The following MACF1 variants were observed in gnomAD, a reference collection of about 807,000 sequenced individuals.
MACF1 encodes microtubule actin crosslinking factor 1.
MACF1 carries 193 observed loss-of-function variants against 854.8 expected under a neutral mutation model. That is an observed-to-expected ratio of 0.23 (90% confidence interval 0.20 to 0.25). The LOEUF (loss-of-function observed/expected upper bound fraction) is 0.25. Ranked by LOEUF, MACF1 falls within the 10% of genes least tolerant of loss-of-function variation. MACF1 has a pLI of 1.00. For missense variants in MACF1, 7,722 were observed against 8,929.1 expected (o/e 0.86, Z 5.45); for synonymous variants, 3,185 against 3,226.7 (o/e 0.99, Z 0.44).
chr1:39,264,662 C>CTT (rs35145613), intron 6 of MACF1, among the ~76,000 whole-genome samples: 27 of 81,622 alleles, frequency 3.3e-4, no homozygotes, highest in African/African-American at 1.2e-3. Flanking sequence ...GATAGGATTT[C>CTT]TTTTTTTTTT....
At chr1:39,167,829 G>A (rs1202703458) in intron 2 of MACF1, among the ~76,000 whole-genome samples, 3 of 150,360 alleles carry the variant, frequency 2.0e-5, no homozygotes, top group African/African-American at 2.5e-5. Context: ...AGCTGAGATT[G>A]CGTTACTGCA....
Position 39,432,609 on chromosome 1 carries a change from T to A in MACF1, c.17412T>A (p.Ile5804=). ...GGAAACTGATGGCTCTGGGTCCAAT[T>A]CGCCTGGAACAGGACCAGACCACAG... ...TKRKLMALGP[I]RLEQDQTTAQ... The change falls in exon 67 of 101, where the codon ATT becomes ATA. Residue 5804 remains isoleucine (I), a synonymous_variant. Coordinates refer to ENST00000564288, the MANE Select transcript of MACF1 (RefSeq NM_001394062.1). 1 of 1,614,098 alleles carries A rather than the reference T, an allele frequency of 6.2e-7. No homozygotes were observed. The highest frequency in any genetic ancestry group is 1.1e-5 in the South Asian group (1 of 91,086).
At chr1:39,350,367 A>G (rs1647152604) in intron 42 of MACF1, among the ~76,000 whole-genome samples, 2 of 152,184 alleles carry the variant, frequency 1.3e-5, no homozygotes, top group Non-Finnish European at 2.9e-5. Flanking sequence ...AATTAGGGAA[A>G]GTTGAAGTTG....
At chr1:39,240,021 G>A (rs1174721657) in intron 2 of MACF1, among the ~76,000 whole-genome samples, 1 of 152,154 alleles carries the variant, frequency 6.6e-6, no homozygotes. Context: ...CCGAGTGCTA[G>A]GATTACAGGC....
chr1:39,429,084 A>G (rs927190673), intron 63 of MACF1, among the ~76,000 whole-genome samples, 158 bp from the exon 64 acceptor site: 7 of 152,198 alleles, frequency 4.6e-5, no homozygotes, highest in African/African-American at 7.2e-5. Context: ...TGAATAGTCA[A>G]TGGGCTAACC....
chr1:39,281,388 C>A (rs1047521590), intron 6 of MACF1, among the ~76,000 whole-genome samples: 2 of 151,228 alleles, frequency 1.3e-5, no homozygotes, highest in African/African-American at 4.9e-5. Context: ...TTTTGTATGT[C>A]TTTTATACAA....
chr1:39,440,604 A>G (rs1420426018), intron 72 of MACF1, among the ~76,000 whole-genome samples: 1 of 152,112 alleles, frequency 6.6e-6, no homozygotes, highest in African/African-American at 2.4e-5. Flanking sequence ...AGTTTTTTTC[A>G]AGATCATAGA....
intron 43 of MACF1, 144 bp downstream of exon 43, chr1:39,351,162 G>A (rs1647169752): frequency 6.6e-6 from 4 of 609,674 alleles, no homozygotes; most frequent in South Asian, 4.1e-5. Flanking sequence ...TCTGGTTTTT[G>A]TTTTTTGAGA....
chr1:39,101,682 G>A (rs1477263903), intron 2 of MACF1, among the ~76,000 whole-genome samples: 1 of 150,960 alleles, frequency 6.6e-6, no homozygotes, highest in African/African-American at 2.4e-5. Flanking sequence ...AAATTAGCTG[G>A]GCATGGTGGC....
At chr1:39,421,427 T>C (rs1570008428) in intron 58 of MACF1, among the ~76,000 whole-genome samples, 1 of 152,234 alleles carries the variant, frequency 6.6e-6, no homozygotes, top group East Asian at 1.9e-4. Flanking sequence ...TTCCCAACGT[T>C]ACTGGCCCAT....
At chr1:39,349,963 G>A (rs1422283106) in intron 42 of MACF1, among the ~76,000 whole-genome samples, 1 of 152,190 alleles carries the variant, frequency 6.6e-6, no homozygotes, top group Non-Finnish European at 1.5e-5. Context: ...CAAATATTTA[G>A]TGCTCAAGGG....
chr1:39,412,811 C>T (rs1281899008), intron 58 of MACF1: 1 of 1,612,638 alleles, frequency 6.2e-7, no homozygotes, highest in South Asian at 1.1e-5. Flanking sequence ...GCCCTAGATG[C>T]TGCACTGCCC....
chr1:39,363,352 A>G (rs1648371492), intron 49 of MACF1, among the ~76,000 whole-genome samples: 1 of 152,154 alleles, frequency 6.6e-6, no homozygotes, highest in Admixed American at 6.5e-5. Context: ...ATTTTCACCC[A>G]TCCCCATAGT....
chr1:39,399,040 G>GA (rs1437849624), intron 58 of MACF1, among the ~76,000 whole-genome samples: 8 of 152,090 alleles, frequency 5.3e-5, no homozygotes, highest in Admixed American at 2.6e-4. Context: ...GTTCCTATGG[G>GA]AAAAAAACAG....
At chr1:39,269,054 C>T (rs1189595287) in intron 6 of MACF1, 3 of 1,289,502 alleles carry the variant, frequency 2.3e-6, no homozygotes, top group Non-Finnish European at 3.0e-6. Flanking sequence ...TCCAGACCGC[C>T]CACCTTTTGT....
intron 6 of MACF1, among the ~76,000 whole-genome samples, chr1:39,263,110 A>G (rs1645184612): frequency 6.6e-6 from 1 of 152,206 alleles, no homozygotes; most frequent in South Asian, 2.1e-4. Context: ...TGTAAAGCCA[A>G]ATGGAAATGC....
At chr1:39,339,014 C>A (rs985337655) in intron 38 of MACF1, among the ~76,000 whole-genome samples, 1 of 152,210 alleles carries the variant, frequency 6.6e-6, no homozygotes, top group African/African-American at 2.4e-5. Flanking sequence ...CACAGTGGCT[C>A]ATGCCTATAA....
rs1570161626 is a variant in MACF1, at chr1:39,460,542, T to C, written c.21361-90T>C. 1 of 1,125,212 alleles carries C rather than the reference T, an allele frequency of 8.9e-7. No individual in the cohort carries two copies. The highest frequency in any genetic ancestry group is 1.3e-6 in the Non-Finnish European group (1 of 754,088). 69.7% of individuals were successfully genotyped at this position (1,125,212 alleles called of 1,614,324 possible). On this transcript the variant is annotated intron_variant, in intron 91 of 100. Transcript: ENST00000564288. This position sits in a 1 kb window ranked among gnomAD's most constrained non-coding sequence, Gnocchi z 4.1. ...GTTGATGGCCCCTGGAAGCATGGCT[T>C]TACTGAATGTCTGAAAGTTTGGGTA...
intron 2 of MACF1, among the ~76,000 whole-genome samples, chr1:39,087,471 AG>A (rs1443281445): frequency 2.0e-5 from 3 of 152,076 alleles, no homozygotes; most frequent in African/African-American, 7.2e-5. Flanking sequence ...AACAGGTTTT[AG>A]GGTGCTGAAC....
Sources: gnomAD v4.1 joint callset for allele counts (sites outside exome capture counted in the v4.1 genomes callset) on GRCh38, gnomAD v4.1.1 for gene constraint, Gnocchi (gnomAD v3.1) non-coding constraint, MANE v1.5 for transcripts, NCBI Gene and HGNC (gene_info 2026-07-23, HGNC 2026-07-21) for gene names.